Variants in SYNPO2 observed in about 807,000 individuals in gnomAD.
SYNPO2 encodes the protein synaptopodin 2.
A neutral mutation model predicts 85.0 loss-of-function variants in SYNPO2; 56 were observed. The ratio of observed to expected loss-of-function variants is 0.66; its 90% confidence interval spans 0.53 to 0.82. The LOEUF is 0.82. SYNPO2 is among the 40% of genes least tolerant of loss of function. SYNPO2 has a pLI of 0.00. For missense variants in SYNPO2, 1,575 were observed against 1,534.2 expected (o/e 1.03, Z -0.44); for synonymous variants, 602 against 591.1 (o/e 1.02, Z -0.27).
intron 1 of SYNPO2, among the ~76,000 whole-genome samples, chr4:119,018,905 T>A (rs573380589): frequency 6.6e-6 from 1 of 152,288 alleles, no homozygotes; most frequent in African/African-American, 2.4e-5. Flanking sequence ...ATATCACACA[T>A]ACCCCATAAA....
intron 4 of SYNPO2, chr4:119,042,410 A>AT (rs1264746868): frequency 6.6e-6 from 1 of 152,138 alleles, no homozygotes; most frequent in African/African-American, 2.4e-5. Context: ...GGGGAAAAAG[A>AT]TTGTATGACT....
chr4:119,026,733 C>T lies in SYNPO2; in HGVS notation c.364C>T (p.Pro122Ser), dbSNP rs1185752859. Residue 122 changes from proline (P) to serine (S), a missense_variant, in exon 3 of 5, where the codon CCG becomes TCG. Pro to Ser is a moderately conservative substitution (Grantham distance 74, BLOSUM62 -1). Coordinates refer to ENST00000307142, the MANE Select transcript of SYNPO2 (RefSeq NM_133477.3). ...GGAAAGTACCACCCTGCAGATTCGA[C>T]CGGCCACAAAGACCCAGTGCACAGA... is the stretch of plus-strand genomic sequence containing the variant. ...YVESTTLQIR[P>S]ATKTQCTEFF... 1.2e-6 allele frequency: 2 copies of T among 1,614,098 alleles called. No homozygotes were observed. Among genetic ancestry groups the T allele is most frequent in the Admixed American group, 3.3e-5 (2 of 60,008 alleles).
At chr4:118,904,900 A>T (rs1732883492) in intron 1 of SYNPO2, among the ~76,000 whole-genome samples, 1 of 152,214 alleles carries the variant, frequency 6.6e-6, no homozygotes, top group South Asian at 2.1e-4. Context: ...AACTGCTATT[A>T]GATTGACTTG....
At chr4:118,966,388 G>A (rs572646812) in intron 1 of SYNPO2, among the ~76,000 whole-genome samples, 3 of 152,244 alleles carry the variant, frequency 2.0e-5, no homozygotes, top group South Asian at 2.1e-4. Context: ...GGGTAGAGAC[G>A]ATAGATAGAA....
chr4:118,864,353 C>T (rs1413099690), intron 1 of SYNPO2, among the ~76,000 whole-genome samples: 1 of 152,180 alleles, frequency 6.6e-6, no homozygotes. Flanking sequence ...TGTTTTATAA[C>T]CGAACATATG....
At chr4:118,947,312 C>T (rs146159742) in intron 1 of SYNPO2, among the ~76,000 whole-genome samples, 3 of 152,268 alleles carry the variant, frequency 2.0e-5, no homozygotes, top group Non-Finnish European at 4.4e-5. Context: ...CAATGAGACA[C>T]GTAATGTGGC....
intron 1 of SYNPO2, among the ~76,000 whole-genome samples, chr4:118,994,268 CTA>C (rs377365540): frequency 5.6e-4 from 86 of 152,352 alleles, no homozygotes; most frequent in Middle Eastern, 3.4e-3. Flanking sequence ...ATCACAAAAT[CTA>C]TAAACACACT....
At chr4:118,882,882 G>C (rs1449341419) in intron 1 of SYNPO2, among the ~76,000 whole-genome samples, 1 of 151,616 alleles carries the variant, frequency 6.6e-6, no homozygotes, top group South Asian at 2.1e-4. Flanking sequence ...CCATTCTCCT[G>C]CCTCAACCTC....
chr4:119,025,485 G>C (rs1737900442), intron 2 of SYNPO2, among the ~76,000 whole-genome samples: 1 of 152,114 alleles, frequency 6.6e-6, no homozygotes, highest in Admixed American at 6.6e-5. Context: ...TTTTCATTTT[G>C]TTTAGTTTTG....
chr4:119,036,963 C>T lies in SYNPO2; in HGVS notation c.3252+4936C>T, dbSNP rs1738539564. The T allele has an allele frequency of 3.1e-6, 4 of 1,297,030 alleles. No individual in the cohort carries two copies. In the South Asian group the frequency reaches 7.8e-5, roughly 25 times the overall value. 80.3% of individuals were successfully genotyped at this position (1,297,030 alleles called of 1,614,324 possible). On this transcript the variant is annotated intron_variant, in intron 4 of 4. Transcript: ENST00000307142. ...GGAGAAAGCTAGACTCCTACAGGGT[C>T]CTAGAGTTTAAGTAATTTTTTTGTT...
At chr4:119,000,233 C>T (rs1010307362) in intron 1 of SYNPO2, among the ~76,000 whole-genome samples, 2 of 152,150 alleles carry the variant, frequency 1.3e-5, no homozygotes, top group African/African-American at 4.8e-5. Context: ...GACACTGACA[C>T]AGGTAGGGGA....
At chr4:118,995,318 C>T (rs1736547220) in intron 1 of SYNPO2, among the ~76,000 whole-genome samples, 1 of 152,002 alleles carries the variant, frequency 6.6e-6, no homozygotes. Context: ...AATATATATT[C>T]CAACTTGGAT....
chr4:119,035,565 A>G (rs902943562), intron 4 of SYNPO2: 2 of 985,404 alleles, frequency 2.0e-6, no homozygotes, highest in Non-Finnish European at 2.4e-6. Context: ...TTCAAAATAT[A>G]TTTAGTATGA....
intron 1 of SYNPO2, among the ~76,000 whole-genome samples, chr4:119,006,725 A>G (rs1020851143): frequency 3.9e-5 from 6 of 152,306 alleles, no homozygotes; most frequent in Middle Eastern, 3.4e-3. Flanking sequence ...TAACACTTGT[A>G]AAATTTAATT....
chr4:119,046,209 T>C (rs139224763), intron 4 of SYNPO2, among the ~76,000 whole-genome samples: 1 of 152,230 alleles, frequency 6.6e-6, no homozygotes. Context: ...TTATTATCAT[T>C]GCTTCAAAGA....
chr4:118,977,133 G>A, intron 1 of SYNPO2, among the ~76,000 whole-genome samples: 1 of 152,230 alleles, frequency 6.6e-6, no homozygotes. Context: ...GGGCCGCACA[G>A]GAGCCCATGG....
At chr4:118,977,099 G>A (rs1457077080) in intron 1 of SYNPO2, among the ~76,000 whole-genome samples, 1 of 152,240 alleles carries the variant, frequency 6.6e-6, no homozygotes, top group South Asian at 2.1e-4. Context: ...GTGGAGCAGG[G>A]GGTGGTGCTC....
intron 1 of SYNPO2, among the ~76,000 whole-genome samples, chr4:118,871,571 A>ACT (rs373288512): frequency 7.0e-6 from 1 of 142,456 alleles, no homozygotes; most frequent in Non-Finnish European, 1.5e-5. Flanking sequence ...ATAAATAACA[A>ACT]TTTTTTTTTT....
intron 1 of SYNPO2, among the ~76,000 whole-genome samples, chr4:119,019,113 T>C (rs1737625632): frequency 6.6e-6 from 1 of 152,236 alleles, no homozygotes; most frequent in East Asian, 1.9e-4. Flanking sequence ...TTTTGGGTAC[T>C]GGGCTTAATT....
Sources: gnomAD v4.1 joint callset for allele counts (sites outside exome capture counted in the v4.1 genomes callset) on GRCh38, gnomAD v4.1.1 for gene constraint, MANE v1.5 for transcripts, NCBI Gene and HGNC (gene_info 2026-07-23, HGNC 2026-07-21) for gene names.